MAMSTR: variants seen among roughly 807,000 people sequenced by gnomAD.
The protein encoded by MAMSTR is MEF2-activating motif and SAP domain-containing transcriptional regulator.
In MAMSTR, 41 loss-of-function variants were observed where a neutral mutation model predicts 42.7. The ratio of observed to expected loss-of-function variants is 0.96; its 90% CI spans 0.75 to 1.25. The LOEUF is 1.25. Among genes scored for constraint, MAMSTR ranks in the 50% most tolerant of loss-of-function variants. The pLI is 0.00. For missense variants in MAMSTR, 567 were observed against 557.6 expected, an observed-to-expected ratio of 1.02 and a Z score of -0.17; for synonymous variants, 265 against 244.1, an observed-to-expected ratio of 1.09 and a Z score of -0.80.
intron 3 of MAMSTR, among the ~76,000 whole-genome samples, chr19:48,716,398 C>T (rs576497552): frequency 1.3e-4 from 12 of 95,076 alleles, no homozygotes; most frequent in Non-Finnish European, 2.4e-4. Context: ...AAAAAAAAAG[C>T]TATATCCAGA....
downstream of MAMSTR, among the ~76,000 whole-genome samples, chr19:48,707,869 A>AAG (rs1491401723): frequency 8.8e-6 from 1 of 114,122 alleles, no homozygotes; most frequent in Non-Finnish European, 1.9e-5. Context: ...GAAAGAAAGA[A>AAG]AGAAAGAAAG....
chr19:48,707,916 GAAAA>G (rs796953766), downstream of MAMSTR, among the ~76,000 whole-genome samples: 4 of 139,344 alleles, frequency 2.9e-5, no homozygotes, highest in African/African-American at 1.2e-4. Context: ...AAGAAAGAAA[GAAAA>G]AAGAAAGAAA....
chr19:48,714,479 C>G lies in MAMSTR; in HGVS notation c.610G>C (p.Gly204Arg), dbSNP rs1378488552. ...GGCCGCTCGCGGGGCGGCGCGCCGC[C>G]GCGCATGCGCTCCAGGAGCATAGAC... Reference protein sequence around the residue: ...TKSMLLERMRGGAPPRERPKP... With the variant: ...TKSMLLERMRRGAPPRERPKP... The change falls in exon 7 of 10, where the codon GGC becomes CGC. Residue 204 changes from glycine (G) to arginine (R), a missense_variant. By Grantham distance (125) the Gly-to-Arg change is moderately radical. Coordinates refer to ENST00000318083, the MANE Select transcript of MAMSTR (RefSeq NM_001130915.2). The G allele has an allele frequency of 7.3e-7, 1 of 1,370,238 alleles. No homozygotes were observed. The highest frequency in any genetic ancestry group is 1.5e-5 in the African/African-American group (1 of 66,398). 84.9% of individuals were successfully genotyped at this position (1,370,238 alleles called of 1,614,324 possible).
downstream of MAMSTR, among the ~76,000 whole-genome samples, chr19:48,710,999 T>C (rs2032715818): frequency 6.6e-6 from 1 of 152,184 alleles, no homozygotes; most frequent in Non-Finnish European, 1.5e-5. Context: ...TCCCTCCCTC[T>C]GTGACCCATG....
downstream of MAMSTR, among the ~76,000 whole-genome samples, chr19:48,711,094 A>T (rs534819494): frequency 6.6e-6 from 1 of 152,172 alleles, no homozygotes; most frequent in Non-Finnish European, 1.5e-5. Context: ...ACAGATTTGT[A>T]TAGTGCCCTC....
Position 48,715,327 on chromosome 19 carries a change from CCCCTCGGCTTGGGGGTCCGCCCTGGAT to C in MAMSTR, c.333_359del (p.Arg113_Ser121del). 1 of 1,581,732 alleles carries C rather than the reference CCCCTCGGCTTGGGGGTCCGCCCTGGAT, an allele frequency of 6.3e-7. No homozygotes were observed. Among genetic ancestry groups the C allele is most frequent in the South Asian group, 1.2e-5 (1 of 85,530 alleles). On this transcript the variant is annotated inframe_deletion, in exon 5 of 10. Coordinates refer to ENST00000318083, the MANE Select transcript of MAMSTR (RefSeq NM_001130915.2). ...ATGGCCCAGGAGGACCCAGGGCGGA[CCCCTCGGCTTGGGGGTCCGCCCTGGAT>C]CCCTGTCTCGGCTCTGGGGGCATGT...
rs1449835927 is a variant in MAMSTR, at chr19:48,715,616, G to A, written c.240+9C>T. 1.3e-6 allele frequency: 2 copies of A among 1,532,998 alleles called. No individual in the cohort carries two copies. Among genetic ancestry groups the A allele is most frequent in the Non-Finnish European group, 1.8e-6 (2 of 1,142,214 alleles). 95.0% of individuals were successfully genotyped at this position (1,532,998 alleles called of 1,614,324 possible). The stretch of plus-strand genomic sequence containing the variant: ...CTCAGAGGGACCTCTCCCTCCAGTC[G>A]AGACTCACCTTCTTTGGGGACCTCC... On this transcript the variant is annotated intron_variant, in intron 4 of 9. Transcript: ENST00000318083.
Position 48,719,121 on chromosome 19 carries a change from C to T in MAMSTR, c.-21-69G>A. 1.8e-6 allele frequency: 2 copies of T among 1,097,480 alleles called. No individual in the cohort carries two copies. Among genetic ancestry groups the T allele is most frequent in the Non-Finnish European group, 2.7e-6 (2 of 742,370 alleles). 68.0% of individuals were successfully genotyped at this position (1,097,480 alleles called of 1,614,324 possible). On this transcript the variant is annotated intron_variant, in intron 1 of 9. Coordinates refer to ENST00000318083, the MANE Select transcript of MAMSTR (RefSeq NM_001130915.2). This position sits in a 1 kb window ranked among gnomAD's most constrained non-coding sequence, Gnocchi z 4.4. ...CTCAGAGTGGAGGTCAGGAGGCCGCCCCTGAGAGTGAATTCAGCAGGGAAA... is the reference window on the plus strand; with the variant it reads ...CTCAGAGTGGAGGTCAGGAGGCCGCTCCTGAGAGTGAATTCAGCAGGGAAA...
chr19:48,716,014 T>C (rs1358345982), intron 3 of MAMSTR: 1 of 1,255,926 alleles, frequency 8.0e-7, no homozygotes, highest in Non-Finnish European at 1.0e-6. Flanking sequence ...GGATCACAGA[T>C]GTCTGAGGTT....
downstream of MAMSTR, among the ~76,000 whole-genome samples, chr19:48,708,456 G>A (rs1009307633): frequency 3.3e-5 from 5 of 152,176 alleles, no homozygotes; most frequent in Non-Finnish European, 7.3e-5. Flanking sequence ...GAGGAAAGAA[G>A]GAAGGTGCTG....
Position 48,715,381 on chromosome 19 carries a change from C to G in MAMSTR, c.306G>C (p.Gln102His). The G allele has an allele frequency of 1.3e-6, 2 of 1,530,424 alleles. No homozygotes were observed. Among genetic ancestry groups the G allele is most frequent in the Non-Finnish European group, 1.7e-6 (2 of 1,145,828 alleles). 94.8% of individuals were successfully genotyped at this position (1,530,424 alleles called of 1,614,324 possible). A position where few individuals can be genotyped will look rare whatever the true frequency, so the allele number is the denominator to read the frequency against. ...SKPRGNLTYH[Q>H]YMPPEPRQGS... ...CCTGTCTCGGCTCTGGGGGCATGTA[C>G]TGGTGGTATGTCAAGTTCCCCCTGG... Residue 102 changes from glutamine (Q) to histidine (H), a missense_variant, in exon 5 of 10, where the codon CAG (glutamine) becomes CAC (histidine). Gln to His is a conservative substitution (Grantham distance 24). Coordinates refer to ENST00000318083, the MANE Select transcript of MAMSTR (RefSeq NM_001130915.2).
downstream of MAMSTR, among the ~76,000 whole-genome samples, chr19:48,710,975 G>T (rs1482610629): frequency 6.6e-6 from 1 of 152,178 alleles, no homozygotes; most frequent in Non-Finnish European, 1.5e-5. Flanking sequence ...GTTCCTGGGA[G>T]TTTATGTCAT....
At chr19:48,715,812 C>A (rs1416642034) in intron 3 of MAMSTR, 45 bp from the exon 4 acceptor site, 1 of 1,514,458 alleles carries the variant, frequency 6.6e-7, no homozygotes, top group East Asian at 2.6e-5. Context: ...AGGCAGCAAG[C>A]CAGGCCGGGA....
chr19:48,714,600 G>C, intron 6 of MAMSTR, 40 bp from the exon 7 acceptor site: 5 of 1,455,108 alleles, frequency 3.4e-6, no homozygotes, highest in Non-Finnish European at 4.5e-6. Context: ...AGTGCTGGGC[G>C]GGCTCCCGGG....
intron 2 of MAMSTR, among the ~76,000 whole-genome samples, chr19:48,717,534 CTTTTTT>C (rs34694985): frequency 1.6e-5 from 2 of 126,626 alleles, no homozygotes; most frequent in African/African-American, 2.9e-5. Flanking sequence ...TGTTAACTAT[CTTTTTT>C]TTTTTTTTTT....
intron 2 of MAMSTR, 70 bp from the exon 3 acceptor site, chr19:48,716,813 C>T: frequency 2.4e-6 from 3 of 1,263,694 alleles, no homozygotes; most frequent in Non-Finnish European, 3.0e-6. Flanking sequence ...GCCTGGCAGG[C>T]TGGTGGGAGC....
At chr19:48,715,536 G>A in intron 4 of MAMSTR, 89 bp downstream of exon 4, 2 of 1,474,432 alleles carry the variant, frequency 1.4e-6, no homozygotes, top group Non-Finnish European at 1.8e-6. Flanking sequence ...TCAGCTCGGT[G>A]CCACCGAAGA....
downstream of MAMSTR, among the ~76,000 whole-genome samples, chr19:48,709,909 G>A (rs1422284206): frequency 3.4e-5 from 5 of 146,124 alleles, no homozygotes; most frequent in East Asian, 5.8e-4. Context: ...TCACTCTTTC[G>A]CCCAGGCTGG....
the MAMSTR span, among the ~76,000 whole-genome samples, chr19:48,706,816 G>A: frequency 3.3e-5 from 5 of 152,110 alleles, no homozygotes; most frequent in Admixed American, 6.5e-5. Context: ...ATTGGTACAG[G>A]CCAGGTGCAG....
Sources: allele counts gnomAD v4.1 joint callset (sites outside exome capture counted in the v4.1 genomes callset), GRCh38; gene constraint gnomAD v4.1.1; non-coding constraint Gnocchi (gnomAD v3.1); transcripts MANE v1.5; gene names NCBI Gene and HGNC (gene_info 2026-07-23, HGNC 2026-07-21).